Variants in TRMT13 observed in about 807,000 individuals in gnomAD.
TRMT13 encodes tRNA methyltransferase 13, also known as tRNA:m(4)X modification enzyme TRM13 homolog.
Under a neutral mutation model 55.9 loss-of-function variants are expected in TRMT13, and 45 were observed. The ratio of observed to expected loss-of-function variants is 0.80; its 90% CI spans 0.63 to 1.03. The LOEUF (loss-of-function observed/expected upper bound fraction) is 1.03. Ranked by LOEUF, TRMT13 falls within the 50% of genes least tolerant of loss-of-function variation. The pLI, the probability that TRMT13 is intolerant of heterozygous loss-of-function variation, is 0.00. For missense variants in TRMT13, 513 were observed against 563.9 expected (o/e 0.91, Z 0.91); for synonymous variants, 183 against 196.3 (o/e 0.93, Z 0.57).
Position 100,140,125 on chromosome 1 carries a change from T to G in TRMT13, c.325-57T>G, listed in dbSNP as rs1409490951. The G allele has an allele frequency of 3.4e-6, 4 of 1,175,698 alleles. No individual in the cohort carries two copies. The Admixed American group carries it at 5.9e-5, about 17-fold the overall frequency. The allele number at this position is 1,175,698 out of a possible 1,614,324, so 72.8% of individuals were successfully genotyped here. A position where few individuals can be genotyped will look rare whatever the true frequency, so the allele number is the denominator to read the frequency against. ...TTGGTAAACCTCTACTCAGTCTCTGTTATGCTACTTTAAAGCAATTTTTGG... is the reference window on the plus strand; with the variant it reads ...TTGGTAAACCTCTACTCAGTCTCTGGTATGCTACTTTAAAGCAATTTTTGG... On this transcript the variant is annotated intron_variant, in intron 4 of 10. Coordinates refer to ENST00000370141, the MANE Select transcript of TRMT13 (RefSeq NM_019083.3).
intron 4 of TRMT13, 89 bp downstream of exon 4, chr1:100,139,800 A>G: frequency 1.2e-6 from 1 of 859,608 alleles, no homozygotes; most frequent in Non-Finnish European, 1.8e-6. Flanking sequence ...TTTTTGTCTC[A>G]AGTCTGTTTT....
Position 100,149,025 on chromosome 1 carries a change from G to C in TRMT13, c.*205G>C, listed in dbSNP as rs756598148. On this transcript the variant is annotated 3_prime_UTR_variant, in exon 11 of 11. Coordinates refer to ENST00000370141, the MANE Select transcript of TRMT13 (RefSeq NM_019083.3). Reference sequence around the variant, plus strand: ...TTCACCAAAGTAATCCTCTTTAGAAGGGCATCTTGAATTATATTATCCATC... The same window carrying C: ...TTCACCAAAGTAATCCTCTTTAGAACGGCATCTTGAATTATATTATCCATC... 1 of 1,555,998 alleles carries C rather than the reference G, an allele frequency of 6.4e-7. No individual in the cohort carries two copies. Among genetic ancestry groups the C allele is most frequent in the Non-Finnish European group, 8.7e-7 (1 of 1,155,664 alleles).
In TRMT13 at chr1:100,148,320, T is replaced by C. The variant is rs1172203561; in HGVS notation, c.1244T>C (p.Leu415Ser). The C allele has an allele frequency of 1.2e-6, 2 of 1,612,110 alleles. No homozygotes were observed. The highest frequency in any genetic ancestry group is 2.7e-5 in the African/African-American group (2 of 74,898). ...ATCACAGATGATGGCGCTGATTGTT[T>C]GCCTGGGTAAGAGACTACTTTTGTA... Reference protein sequence around the residue: ...YRITDDGADCLPGLLSVEEKK... With the variant: ...YRITDDGADCSPGLLSVEEKK... The change falls in exon 10 of 11, where the codon TTG (leucine) becomes TCG (serine). Residue 415 changes from leucine to serine, a missense_variant. By Grantham distance (145) the Leu-to-Ser change is moderately radical. This residue lies in a region of TRMT13 where 209 missense variants were observed against 255.8 expected (regional missense o/e 0.82). Transcript: ENST00000370141.
intron 8 of TRMT13, among the ~76,000 whole-genome samples, chr1:100,143,867 AT>A (rs1190352368): frequency 1.3e-5 from 2 of 152,218 alleles, no homozygotes; most frequent in Non-Finnish European, 2.9e-5. Flanking sequence ...ATTTAAAATT[AT>A]TTAGCTGAAT....
chr1:100,145,308 C>G (rs1266087343), intron 9 of TRMT13, among the ~76,000 whole-genome samples: 1 of 152,192 alleles, frequency 6.6e-6, no homozygotes, highest in Admixed American at 6.5e-5. Context: ...TACCTTATCT[C>G]ATTTAAGCCT....
intron 7 of TRMT13, among the ~76,000 whole-genome samples, chr1:100,142,092 G>A (rs1225394959): frequency 7.9e-5 from 12 of 152,164 alleles, no homozygotes; most frequent in East Asian, 1.9e-4. Flanking sequence ...GGAAGCTTAC[G>A]TCTAGTGGAG....
At chr1:100,136,824 A>G (rs1032162302) in intron 1 of TRMT13, 58 bp from the exon 2 acceptor site, 4 of 1,362,948 alleles carry the variant, frequency 2.9e-6, no homozygotes, top group Non-Finnish European at 4.0e-6. Flanking sequence ...TATATCTGGT[A>G]TCTGTAAGCA....
In TRMT13 at chr1:100,148,162, T is replaced by G. The variant is rs761023498; in HGVS notation, c.1086T>G (p.His362Gln). 2 of 1,614,046 alleles carry G rather than the reference T, an allele frequency of 1.2e-6. No homozygotes were observed. Among genetic ancestry groups the G allele is most frequent in the African/African-American group, 2.7e-5 (2 of 74,928 alleles). ...TAGGCCTTGGAGCAGTGGAATTCCA[T>G]TATTTCCAGCGAATGAGTAGTTGGG... ...RALGLGAVEFHYFQRMSSWAT... is the reference protein window; with the variant it reads ...RALGLGAVEFQYFQRMSSWAT... Residue 362 changes from histidine to glutamine, a missense_variant, in exon 10 of 11, where the codon CAT becomes CAG. By Grantham distance (24) the His-to-Gln change is conservative. Around this residue, in one of 3 missense-constraint regions of TRMT13, gnomAD observed 209 missense variants for 255.8 expected, o/e 0.82. Coordinates refer to ENST00000370141, the MANE Select transcript of TRMT13 (RefSeq NM_019083.3).
rs139040911 is a variant in TRMT13, at chr1:100,148,641, G to C, written c.1267G>C (p.Glu423Gln). The C allele has an allele frequency of 6.2e-7, 1 of 1,607,954 alleles. No individual in the cohort carries two copies. Among genetic ancestry groups the C allele is most frequent in the African/African-American group, 1.3e-5 (1 of 74,782 alleles). The change falls in exon 11 of 11, where the codon GAA (glutamate) becomes CAA (glutamine). Residue 423 changes from glutamate to glutamine, a missense_variant. Glu to Gln is a conservative substitution (Grantham distance 29). This residue lies in a region of TRMT13 where 209 missense variants were observed against 255.8 expected (regional missense o/e 0.82). Coordinates refer to ENST00000370141, the MANE Select transcript of TRMT13 (RefSeq NM_019083.3). The part of the protein sequence containing the change: ...DCLPGLLSVE[E>Q]KKKIGHLCKL... ...TCAATTTAGGCTTCTTAGTGTTGAA[G>C]AAAAGAAGAAAATAGGGCATCTTTG...
At chr1:100,139,548 C>G in intron 3 of TRMT13, 101 bp from the exon 4 acceptor site, 1 of 667,626 alleles carries the variant, frequency 1.5e-6, no homozygotes, top group Non-Finnish European at 2.7e-6. Flanking sequence ...GGGAGGATGG[C>G]AGGTACAGAG....
At chr1:100,143,520 A>G (rs1045688670) in intron 8 of TRMT13, among the ~76,000 whole-genome samples, 1 of 152,218 alleles carries the variant, frequency 6.6e-6, no homozygotes, top group Non-Finnish European at 1.5e-5. Flanking sequence ...TTCAAACTAT[A>G]AACTAGCCTT....
intron 6 of TRMT13, 145 bp downstream of exon 6, chr1:100,140,659 C>CA (rs901559838): frequency 3.5e-6 from 3 of 852,312 alleles, no homozygotes; most frequent in East Asian, 2.7e-5. Flanking sequence ...GAAACATATA[C>CA]AAAAAATTGA....
In TRMT13 at chr1:100,140,513, A is replaced by G. The variant is rs904377465; in HGVS notation, c.500A>G (p.Gln167Arg). 1.9e-6 allele frequency: 3 copies of G among 1,605,770 alleles called. No homozygotes were observed. The part of the protein sequence containing the change: ...GDSATKHLKQ[Q>R]ASILGNIENL... ...TCTGCAACCAAGCACCTGAAACAGC[A>G]GGTATGTTTAGGCTATAGTAACTAC... Residue 167 changes from glutamine (Q) to arginine (R), a missense_variant and splice_region_variant, in exon 6 of 11, where the codon CAG becomes CGG. Gln to Arg is a conservative substitution (Grantham distance 43, BLOSUM62 1). Transcript: ENST00000370141.
intron 3 of TRMT13, among the ~76,000 whole-genome samples, chr1:100,139,004 T>C (rs1288734888): frequency 6.6e-6 from 1 of 152,224 alleles, no homozygotes; most frequent in Non-Finnish European, 1.5e-5. Flanking sequence ...CTCCCTATAT[T>C]GCCCAGGCTG....
intron 10 of TRMT13, 73 bp downstream of exon 10, chr1:100,148,399 T>G: frequency 7.3e-7 from 1 of 1,376,958 alleles, no homozygotes; most frequent in Non-Finnish European, 9.9e-7. Flanking sequence ...AGATGACTAT[T>G]ATCAACAATT....
At position 100,149,568 on chromosome 1, in the gene TRMT13, A is replaced by C; in HGVS notation, c.*748A>C. ...ATTTCTGAAGTTGATTAGCTATCTC[A>C]TATCTTTTATCAGGTCATTTTTTAT... On this transcript the variant is annotated 3_prime_UTR_variant, in exon 11 of 11. Transcript: ENST00000370141. 460 of 773,220 alleles carry C rather than the reference A, an allele frequency of 5.9e-4. No individual in the cohort carries two copies. Among genetic ancestry groups the C allele is most frequent in the Non-Finnish European group, 7.5e-4 (377 of 504,774 alleles). The allele number at this position is 773,220 out of a possible 1,614,324, so 47.9% of individuals were successfully genotyped here.
At chr1:100,133,755 T>C (rs377371131) in intron 1 of TRMT13, among the ~76,000 whole-genome samples, 20 of 152,106 alleles carry the variant, frequency 1.3e-4, no homozygotes, top group African/African-American at 4.6e-4. Context: ...TTTAAAAATT[T>C]AGACTTGAGG....
Position 100,148,295 on chromosome 1 carries a change from A to G in TRMT13, c.1219A>G (p.Ile407Val). Residue 407 changes from isoleucine to valine, a missense_variant, in exon 10 of 11, where the codon ATC (isoleucine) becomes GTC (valine). Ile to Val is a conservative substitution (Grantham distance 29). Around this residue, in one of 3 missense-constraint regions of TRMT13, gnomAD observed 209 missense variants for 255.8 expected, o/e 0.82. Transcript: ENST00000370141. ...SEEHDDGGYR[I>V]TDDGADCLPG... ...AGAGCATGATGATGGAGGATACAGA[A>G]TCACAGATGATGGCGCTGATTGTTT... 1 of 1,613,942 alleles carries G rather than the reference A, an allele frequency of 6.2e-7. No homozygotes were observed. Among genetic ancestry groups the G allele is most frequent in the Non-Finnish European group, 8.5e-7 (1 of 1,179,896 alleles).
In TRMT13 at chr1:100,141,030, C is replaced by G. The variant is rs1570739065; in HGVS notation, c.669+11C>G. On this transcript the variant is annotated intron_variant, in intron 7 of 10. Coordinates refer to ENST00000370141, the MANE Select transcript of TRMT13 (RefSeq NM_019083.3). ...ACCACAAGATTCAAGGTAAGTGAAA[C>G]CATTGCTCTGTGTTAGTAACCAAAC... 7 of 1,603,272 alleles carry G rather than the reference C, an allele frequency of 4.4e-6. No homozygotes were observed. In the East Asian group the frequency reaches 1.6e-4, roughly 36 times the overall value.
Sources: gnomAD v4.1 joint callset for allele counts (sites outside exome capture counted in the v4.1 genomes callset) on GRCh38, gnomAD v4.1.1 for gene constraint, gnomAD v4.1.1 regional missense constraint, MANE v1.5 for transcripts, NCBI Gene and HGNC (gene_info 2026-07-23, HGNC 2026-07-21) for gene names.